Variants in KCNC4 observed in about 807,000 individuals in gnomAD.
KCNC4 encodes the protein potassium voltage-gated channel subfamily C member 4.
Under a neutral mutation model 42.8 loss-of-function variants are expected in KCNC4, and 23 were observed. The ratio of observed to expected loss-of-function variants is 0.54; its 90% confidence interval spans 0.39 to 0.76. The LOEUF is 0.76. Ranked by LOEUF, KCNC4 falls within the 30% of genes least tolerant of loss-of-function variation. KCNC4 has a pLI of 0.00. For synonymous variants in KCNC4, 422 were observed against 393.5 expected (o/e 1.07, Z -0.86); for missense variants, 751 against 898.2 (o/e 0.84, Z 2.10).
At chr1:110,282,645 G>C (rs1338777901) in exon 2 of KCNC4, 2 of 152,294 alleles carry the variant, frequency 1.3e-5, no homozygotes, top group Non-Finnish European at 2.9e-5. Context: ...CTCATTACAG[G>C]CATCTGTGGG....
intron 2 of KCNC4, chr1:110,225,394 C>G (rs1658331220): frequency 6.6e-6 from 1 of 152,342 alleles, no homozygotes; most frequent in East Asian, 1.9e-4. Flanking sequence ...TGCGTCGGAG[C>G]TTTTCTCATG....
chr1:110,234,829 G>A (rs1157083785), downstream of KCNC4: 1 of 152,368 alleles, frequency 6.6e-6, no homozygotes, highest in Non-Finnish European at 1.5e-5. Context: ...CTGGGCATCT[G>A]TGTAGGACCA....
intron 1 of KCNC4, among the ~76,000 whole-genome samples, chr1:110,218,057 T>A (rs1446366789): frequency 6.6e-6 from 1 of 152,098 alleles, no homozygotes; most frequent in Non-Finnish European, 1.5e-5. Flanking sequence ...TAATATAGGT[T>A]TTTGGGCCTG....
At position 110,223,851 on chromosome 1, in the gene KCNC4, T is replaced by C. The variant is rs1031477575; in HGVS notation, c.1566T>C (p.Asp522=). ...ETSPRDSTCS[D]TSPPAREEGM... ...CCCCCCGGGACAGCACCTGCAGTGATACCAGCCCCCCTGCCCGGGAAGAGG... is the reference window on the plus strand; with the variant it reads ...CCCCCCGGGACAGCACCTGCAGTGACACCAGCCCCCCTGCCCGGGAAGAGG... Residue 522 remains aspartate, a synonymous_variant, in exon 2 of 4, where the codon GAT becomes GAC. Transcript: ENST00000438661. This position sits in a 1 kb window ranked among gnomAD's most constrained non-coding sequence, Gnocchi z 7.5. 6.8e-5 allele frequency: 109 copies of C among 1,607,690 alleles called. No homozygotes were observed. The highest frequency in any genetic ancestry group is 8.3e-5 in the Non-Finnish European group (98 of 1,175,500).
At chr1:110,279,841 C>T (rs575746031) in intron 1 of KCNC4, among the ~76,000 whole-genome samples, 5 of 144,058 alleles carry the variant, frequency 3.5e-5, no homozygotes, top group Admixed American at 1.4e-4. Context: ...CTCTGTTGCC[C>T]GGGCTGGAGT....
intron 1 of KCNC4, among the ~76,000 whole-genome samples, chr1:110,275,688 G>T (rs1433829683): frequency 6.6e-6 from 1 of 152,140 alleles, no homozygotes; most frequent in Non-Finnish European, 1.5e-5. Context: ...AATGAAATCA[G>T]CTGGATGTCC....
downstream of KCNC4, chr1:110,237,797 C>T (rs1311669837): frequency 6.6e-6 from 1 of 152,246 alleles, no homozygotes; most frequent in African/African-American, 2.4e-5. Context: ...GGCAGAGAGA[C>T]ATCTGTGTCT....
chr1:110,264,857 G>A (rs1220717441), intron 1 of KCNC4, among the ~76,000 whole-genome samples: 3 of 152,124 alleles, frequency 2.0e-5, no homozygotes, highest in Non-Finnish European at 4.4e-5. Context: ...CAAGACAGGC[G>A]GATGGCTTAA....
intron 1 of KCNC4, among the ~76,000 whole-genome samples, chr1:110,212,960 G>C (rs559536632): frequency 6.6e-6 from 1 of 151,956 alleles, no homozygotes; most frequent in East Asian, 1.9e-4. Flanking sequence ...TTTTGTTGCC[G>C]CTTCTTTTCT....
Position 110,280,540 on chromosome 1 carries a change from C to G in KCNC4, n.31-1994C>G, listed in dbSNP as rs1659803825. ...GAAACCCCTGAGGACAGAGGCCCAG[C>G]TCAGAGGCCCAGGTGAGTCTAGCCT... On this transcript the variant is annotated intron_variant and non_coding_transcript_variant, in intron 1 of 2. Transcript: ENST00000412512. 2.0e-5 allele frequency among the ~76,000 whole-genome samples: 3 copies of G among 152,110 alleles called. No individual in the cohort carries two copies. In the South Asian group the frequency reaches 6.2e-4, roughly 31 times the overall value.
At position 110,232,939 on chromosome 1, in the gene KCNC4, C is replaced by T. The variant is rs765594655; in HGVS notation, c.1848C>T (p.Asn616=). ...CCTGCCAAGACGCCCTCTCGTCCAACTATGCCCAGGCTGAAGTCCTCACCC... is the reference window on the plus strand; with the variant it reads ...CCTGCCAAGACGCCCTCTCGTCCAATTATGCCCAGGCTGAAGTCCTCACCC... ...KETCQDALSS[N]YAQAEVLTLS is the part of the protein sequence containing the mutation. Residue 616 remains asparagine, a synonymous_variant, in exon 4 of 4, where the codon AAC becomes AAT. Transcript: ENST00000438661. The T allele has an allele frequency of 1.9e-6, 3 of 1,612,220 alleles. No individual in the cohort carries two copies. Among genetic ancestry groups the T allele is most frequent in the South Asian group, 2.2e-5 (2 of 90,394 alleles).
intron 1 of KCNC4, chr1:110,221,342 A>C (rs907707554): frequency 5.9e-5 from 9 of 152,266 alleles, no homozygotes; most frequent in Non-Finnish European, 8.8e-5. Flanking sequence ...CATCCTGCAT[A>C]AAATGGGATG....
At chr1:110,216,051 G>A (rs1657776292) in intron 1 of KCNC4, among the ~76,000 whole-genome samples, 1 of 152,222 alleles carries the variant, frequency 6.6e-6, no homozygotes, top group Admixed American at 6.5e-5. Flanking sequence ...TAGGAAAAAT[G>A]AAGGGAGGCG....
chr1:110,213,988 T>C (rs903692148), intron 1 of KCNC4, among the ~76,000 whole-genome samples: 2 of 152,218 alleles, frequency 1.3e-5, no homozygotes, highest in African/African-American at 2.4e-5. Flanking sequence ...TTTCACCTGC[T>C]CTTCTTCCCC....
intron 3 of KCNC4, chr1:110,232,584 G>A: frequency 1.4e-6 from 2 of 1,436,160 alleles, no homozygotes; most frequent in Non-Finnish European, 1.8e-6. Context: ...TGGAGCTAGT[G>A]GTTACCTGAA....
intron 1 of KCNC4, among the ~76,000 whole-genome samples, chr1:110,263,857 G>A (rs1659495934): frequency 6.6e-6 from 1 of 151,916 alleles, no homozygotes; most frequent in South Asian, 2.1e-4. Context: ...TCCATTTGGG[G>A]AGAGTCCTTC....
chr1:110,280,307 CAGAG>C (rs1184987752), intron 1 of KCNC4, among the ~76,000 whole-genome samples: 1 of 152,066 alleles, frequency 6.6e-6, no homozygotes, highest in Admixed American at 6.6e-5. Context: ...GCCCTTCAAA[CAGAG>C]AGATTCTGCG....
intron 3 of KCNC4, among the ~76,000 whole-genome samples, chr1:110,226,927 G>A (rs987885462): frequency 2.0e-5 from 3 of 152,192 alleles, no homozygotes; most frequent in Non-Finnish European, 2.9e-5. Context: ...TCCTGGCCTC[G>A]GAAAGCGGGT....
chr1:110,241,250 C>T (rs949635908), exon 4 of KCNC4: 10 of 152,248 alleles, frequency 6.6e-5, no homozygotes, highest in Admixed American at 2.0e-4. Context: ...TACATACTGG[C>T]ACCTAAACAT....
Sources: gnomAD v4.1 joint callset for allele counts (sites outside exome capture counted in the v4.1 genomes callset) on GRCh38, gnomAD v4.1.1 for gene constraint, Gnocchi (gnomAD v3.1) non-coding constraint, MANE v1.5 for transcripts, NCBI Gene and HGNC (gene_info 2026-07-23, HGNC 2026-07-21) for gene names.